The following EXD3 variants were observed in gnomAD, a reference collection of about 807,000 sequenced individuals.
The protein encoded by EXD3 is exonuclease 3'-5' domain containing 3, also known as exonuclease mut-7 homolog.
In EXD3, 92 loss-of-function variants were observed where a neutral mutation model predicts 98.0. That is an observed-to-expected ratio of 0.94 (90% CI 0.79 to 1.12). The LOEUF (loss-of-function observed/expected upper bound fraction) is 1.12. Ranked by LOEUF, EXD3 falls within the 50% of genes most tolerant of loss-of-function variation. The pLI is 0.00. For synonymous variants in EXD3, 569 were observed against 526.0 expected, an observed-to-expected ratio of 1.08 and a Z score of -1.12; for missense variants, 1,222 against 1,191.6, an observed-to-expected ratio of 1.03 and a Z score of -0.38.
Position 137,349,009 on chromosome 9 carries a change from T to C in EXD3, c.1830+101A>G. The C allele has an allele frequency of 7.3e-7, 1 of 1,378,390 alleles. No individual in the cohort carries two copies. Among genetic ancestry groups the C allele is most frequent in the Non-Finnish European group, 9.6e-7 (1 of 1,037,058 alleles). The allele number at this position is 1,378,390 out of a possible 1,614,324, so 85.4% of individuals were successfully genotyped here. A position where few individuals can be genotyped will look rare whatever the true frequency, so the allele number is the denominator to read the frequency against. On this transcript the variant is annotated intron_variant, in intron 16 of 21. Transcript: ENST00000340951. This position sits in a 1 kb window ranked among gnomAD's most constrained non-coding sequence, Gnocchi z 7.4. ...CAGGAGCTGGGCCCCCTCCACACGCTCTGACCCAGTGGCCTTGTCTCCATG... is the reference window on the plus strand; with the variant it reads ...CAGGAGCTGGGCCCCCTCCACACGCCCTGACCCAGTGGCCTTGTCTCCATG...
At chr9:137,316,683 C>A (rs976514475) in intron 19 of EXD3, among the ~76,000 whole-genome samples, 1 of 152,212 alleles carries the variant, frequency 6.6e-6, no homozygotes, top group Non-Finnish European at 1.5e-5. Flanking sequence ...ACGGAGGCTG[C>A]TCCGGGCTGC....
rs1393973793 is a variant in EXD3 at position 137,385,967 on chromosome 9, T to TA, written c.56-2591dup. Among the ~76,000 whole-genome samples, 1 of 152,138 alleles carries TA rather than the reference T, an allele frequency of 6.6e-6. No homozygotes were observed. The highest frequency in any genetic ancestry group is 1.5e-5 in the Non-Finnish European group (1 of 68,036). ...GTACACAGGAAAGTGGTTAAAATGG[T>TA]AAATTTCATGTTATGTATATTTCAC... On this transcript the variant is annotated intron_variant, in intron 2 of 21. Coordinates refer to ENST00000340951, the MANE Select transcript of EXD3 (RefSeq NM_017820.5). The surrounding 1 kb of genome is among the most constrained non-coding windows in gnomAD (Gnocchi z 4.4).
Position 137,354,757 on chromosome 9 carries a change from C to T in EXD3, c.774G>A (p.Ala258=), listed in dbSNP as rs140563508. Residue 258 remains alanine, a synonymous_variant, in exon 9 of 22, where the codon GCG becomes GCA. Transcript: ENST00000340951. ...GGGCCGCCAGGCGCTGCTGAATGGC[C>T]GCGTTGGGACACAGCGCTGAAAGGA... ...YGVAPALCPN[A]AIQQRLAALR... 0.015 allele frequency: 23,692 copies of T among 1,610,222 alleles called. 244 individuals carry two copies. Among genetic ancestry groups the T allele is most frequent in the Non-Finnish European group, 0.018 (20,823 of 1,179,530 alleles).
At chr9:137,350,666 G>A (rs1834248581) in intron 14 of EXD3, among the ~76,000 whole-genome samples, 1 of 148,174 alleles carries the variant, frequency 6.7e-6, no homozygotes, top group Non-Finnish European at 1.5e-5. Context: ...AGAGGGGTGG[G>A]GATCACAAGG....
chr9:137,393,044 G>A lies in EXD3; in HGVS notation c.55+2259C>T. ...TCCAGGGAGGGCCATTAGTGTTCCAGGGGGTGCTGAGGCTGTTCCAGGGGG... is the reference window on the plus strand; with the variant it reads ...TCCAGGGAGGGCCATTAGTGTTCCAAGGGGTGCTGAGGCTGTTCCAGGGGG... On this transcript the variant is annotated intron_variant, in intron 2 of 21. Transcript: ENST00000340951. This position sits in a 1 kb window ranked among gnomAD's most constrained non-coding sequence, Gnocchi z 4.6. The A allele has an allele frequency of 1.5e-6, 1 of 656,942 alleles. No homozygotes were observed. Among genetic ancestry groups the A allele is most frequent in the Non-Finnish European group, 2.7e-6 (1 of 366,448 alleles). The allele number at this position is 656,942 out of a possible 1,614,324, so 40.7% of individuals were successfully genotyped here.
At chr9:137,392,558 T>C in intron 2 of EXD3, 1 of 228,816 alleles carries the variant, frequency 4.4e-6, no homozygotes, top group Non-Finnish European at 8.8e-6. Flanking sequence ...AGGGCTGAGC[T>C]GGGGCCTCTT....
At chr9:137,317,627 C>T (rs879839718) in intron 19 of EXD3, among the ~76,000 whole-genome samples, 1 of 152,020 alleles carries the variant, frequency 6.6e-6, no homozygotes, top group Non-Finnish European at 1.5e-5. Context: ...TCTGGAGGGT[C>T]TCCAGCCCAG....
intron 17 of EXD3, among the ~76,000 whole-genome samples, chr9:137,338,746 A>G (rs1006713865): frequency 2.7e-5 from 4 of 148,928 alleles, no homozygotes; most frequent in South Asian, 4.2e-4. Context: ...AAAAAAAAAA[A>G]GCTGGGAGTG....
intron 1 of EXD3, among the ~76,000 whole-genome samples, chr9:137,414,822 C>T (rs1457568646): frequency 6.6e-6 from 1 of 152,154 alleles, no homozygotes; most frequent in African/African-American, 2.4e-5. Context: ...GTTTGGCCCC[C>T]GTGGGCTCCA....
At chr9:137,337,405 C>G (rs1388470557) in intron 17 of EXD3, among the ~76,000 whole-genome samples, 2 of 152,138 alleles carry the variant, frequency 1.3e-5, no homozygotes, top group Non-Finnish European at 2.9e-5. Context: ...ATAATCCCAG[C>G]AGTTTGGGAG....
rs1225640858 is a variant in EXD3, at chr9:137,407,768, C to T, written c.-47-12364G>A. On this transcript the variant is annotated intron_variant, in intron 1 of 21. Transcript: ENST00000340951. The surrounding 1 kb of genome is among the most constrained non-coding windows in gnomAD (Gnocchi z 4.4). ...GTGCCCAGTGCTTCCGTCACTGGAG[C>T]CCACGGGTCCACAGGCATTCGAGGT... is the stretch of plus-strand genomic sequence containing the variant. 6.6e-6 allele frequency among the ~76,000 whole-genome samples: 1 copy of T among 151,450 alleles called. No homozygotes were observed.
rs1322467738 is a variant in EXD3, at chr9:137,365,721, TACAA to T, written c.656+768_656+771del. ...ACGTACACACCCATGCACACACACA[TACAA>T]ACACACACCTACAGGCACACACATA... On this transcript the variant is annotated intron_variant, in intron 7 of 21. Coordinates refer to ENST00000340951, the MANE Select transcript of EXD3 (RefSeq NM_017820.5). The T allele has an allele frequency of 6.7e-5, 18 of 270,636 alleles. 1 individual carries two copies. Among genetic ancestry groups the T allele is most frequent in the South Asian group, 1.9e-4 (6 of 32,226 alleles). 16.8% of individuals were successfully genotyped at this position (270,636 alleles called of 1,614,324 possible).
At position 137,382,147 on chromosome 9, in the gene EXD3, C is replaced by A. The variant is rs866641622; in HGVS notation, c.120+1166G>T. Among the ~76,000 whole-genome samples the A allele has an allele frequency of 2.7e-3, 386 of 143,676 alleles. 2 individuals carry two copies. Among genetic ancestry groups the A allele is most frequent in the South Asian group, 6.5e-3 (29 of 4,482 alleles). 94.3% of individuals were successfully genotyped at this position (143,676 alleles called of 152,430 possible). A position where few individuals can be genotyped will look rare whatever the true frequency, so the allele number is the denominator to read the frequency against. ...TGAGGGCGCGGGGAGGAGGTGAGGG[C>A]GCGGGGAGGAGGTGGGAGCATGCGG... On this transcript the variant is annotated intron_variant, in intron 3 of 21. Coordinates refer to ENST00000340951, the MANE Select transcript of EXD3 (RefSeq NM_017820.5).
At chr9:137,323,621 AC>A (rs1832211446) in intron 19 of EXD3, 103 bp downstream of exon 19, 1 of 1,480,292 alleles carries the variant, frequency 6.8e-7, no homozygotes, top group South Asian at 1.3e-5. Flanking sequence ...CCGACACCCC[AC>A]CCCAGACCCA....
chr9:137,308,069 T>G (rs1485072112), intron 20 of EXD3, among the ~76,000 whole-genome samples: 1 of 152,026 alleles, frequency 6.6e-6, no homozygotes, highest in African/African-American at 2.4e-5. Flanking sequence ...ACTGCCAGGC[T>G]CAGGGTCTGT....
At chr9:137,325,832 G>A (rs576618634) in intron 17 of EXD3, among the ~76,000 whole-genome samples, 25 of 152,260 alleles carry the variant, frequency 1.6e-4, no homozygotes, top group Non-Finnish European at 2.6e-4. Flanking sequence ...GCTCGTGCCT[G>A]TAATCCCAGC....
intron 1 of EXD3, among the ~76,000 whole-genome samples, chr9:137,398,540 CCG>C: frequency 6.7e-6 from 1 of 149,612 alleles, no homozygotes; most frequent in African/African-American, 2.5e-5. Context: ...ACACAGGCAA[CCG>C]CGTCCCCAAG....
chr9:137,313,170 G>A (rs1030522071), intron 19 of EXD3, among the ~76,000 whole-genome samples: 3 of 152,172 alleles, frequency 2.0e-5, no homozygotes, highest in African/African-American at 7.2e-5. Flanking sequence ...GGCGAGACAC[G>A]AGCCCTGGGA....
At chr9:137,399,203 A>G (rs539561761) in intron 1 of EXD3, among the ~76,000 whole-genome samples, 3 of 152,290 alleles carry the variant, frequency 2.0e-5, no homozygotes, top group South Asian at 2.1e-4. Context: ...GGGGTTGCTG[A>G]GAAATCTGAT....
Sources: allele counts gnomAD v4.1 joint callset (sites outside exome capture counted in the v4.1 genomes callset), GRCh38; gene constraint gnomAD v4.1.1; non-coding constraint Gnocchi (gnomAD v3.1); transcripts MANE v1.5; gene names NCBI Gene and HGNC (gene_info 2026-07-23, HGNC 2026-07-21).